Variants in NTN1 observed in about 807,000 individuals in gnomAD.
NTN1 encodes netrin 1, also known as netrin-1.
A neutral mutation model predicts 54.2 loss-of-function variants in NTN1; 11 were observed. The ratio of observed to expected loss-of-function variants is 0.20; its 90% confidence interval spans 0.13 to 0.34. The LOEUF is 0.34. Ranked by LOEUF, NTN1 falls within the 10% of genes least tolerant of loss-of-function variation. NTN1 has a pLI of 1.00. For missense variants in NTN1, 740 were observed against 893.1 expected (o/e 0.83, Z 2.18); for synonymous variants, 371 against 382.0 (o/e 0.97, Z 0.33).
intron 2 of NTN1, among the ~76,000 whole-genome samples, chr17:9,046,811 G>GA (rs1051373186): frequency 6.6e-5 from 10 of 152,072 alleles, no homozygotes; most frequent in East Asian, 3.9e-4. Context: ...ATAAAAAAGA[G>GA]AAAAAACAAA....
chr17:9,202,832 T>C (rs1904839514), intron 5 of NTN1, among the ~76,000 whole-genome samples: 1 of 152,264 alleles, frequency 6.6e-6, no homozygotes, highest in African/African-American at 2.4e-5. Context: ...CTTATTCAAC[T>C]GTTGGGACTG....
intron 2 of NTN1, among the ~76,000 whole-genome samples, chr17:9,132,276 C>T (rs2092268147): frequency 6.6e-6 from 1 of 152,158 alleles, no homozygotes; most frequent in Admixed American, 6.5e-5. Context: ...CTTTCATGAA[C>T]ATTACACGTT....
At chr17:9,184,605 G>A (rs1230194465) in intron 5 of NTN1, among the ~76,000 whole-genome samples, 1 of 152,212 alleles carries the variant, frequency 6.6e-6, no homozygotes, top group African/African-American at 2.4e-5. Context: ...CAGGGGCTGT[G>A]TGACAGCTCA....
intron 2 of NTN1, among the ~76,000 whole-genome samples, chr17:9,045,230 T>C (rs1597468102): frequency 6.6e-6 from 1 of 152,228 alleles, no homozygotes; most frequent in Admixed American, 6.5e-5. Flanking sequence ...CTCCCGTCTG[T>C]ACATGAGCAT....
intron 6 of NTN1, among the ~76,000 whole-genome samples, chr17:9,229,079 ACTGTGTGTGTGACTGAGACTGTGACTGT>A (rs1905711494): frequency 1.2e-3 from 8 of 6,738 alleles, no homozygotes. Context: ...TGTGTTTGTG[ACTGTGTGTGTGACTGAGACTGTGACTGT>A]GAGTGTGTGA....
At chr17:9,108,658 C>T (rs2092177821) in intron 2 of NTN1, among the ~76,000 whole-genome samples, 1 of 152,142 alleles carries the variant, frequency 6.6e-6, no homozygotes. Context: ...TAGAAGGCAT[C>T]CTCAGGTCCA....
intron 2 of NTN1, among the ~76,000 whole-genome samples, chr17:9,066,713 G>C (rs772792816): frequency 6.6e-6 from 1 of 151,712 alleles, no homozygotes; most frequent in Non-Finnish European, 1.5e-5. Flanking sequence ...CAAATGGCAC[G>C]TTGTGGCCAG....
chr17:9,017,671 G>C (rs575478516), upstream of NTN1, among the ~76,000 whole-genome samples: 38 of 152,298 alleles, frequency 2.5e-4, no homozygotes, highest in African/African-American at 7.9e-4. Flanking sequence ...CTGGTGATTT[G>C]CTTTCTCACC....
chr17:9,106,480 CCTTCCTTCCTTCCTT>C (rs2092166942), intron 2 of NTN1, among the ~76,000 whole-genome samples: 3 of 26,606 alleles, frequency 1.1e-4, no homozygotes, highest in South Asian at 5.5e-3. Context: ...TTCCTTCCTT[CCTTCCTTCCTTCCTT>C]CCTTCCTTCC....
chr17:9,079,402 G>A (rs1257690640), intron 2 of NTN1, among the ~76,000 whole-genome samples: 2 of 152,198 alleles, frequency 1.3e-5, no homozygotes, highest in African/African-American at 4.8e-5. Flanking sequence ...AATGGGATAG[G>A]CTGGGGAGCT....
intron 2 of NTN1, among the ~76,000 whole-genome samples, chr17:9,157,223 G>T (rs1376310117): frequency 6.6e-6 from 1 of 152,256 alleles, no homozygotes; most frequent in African/African-American, 2.4e-5. Context: ...CTTGATCAGA[G>T]AATTTTCTGA....
intron 6 of NTN1, among the ~76,000 whole-genome samples, chr17:9,225,514 A>G (rs1905504595): frequency 6.6e-6 from 1 of 152,168 alleles, no homozygotes; most frequent in South Asian, 2.1e-4. Flanking sequence ...AGGCTGAGGC[A>G]AGGCCTCCAG....
intron 2 of NTN1, among the ~76,000 whole-genome samples, chr17:9,146,294 G>C (rs541998973): frequency 4.1e-4 from 62 of 152,326 alleles, no homozygotes; most frequent in African/African-American, 1.5e-3. Flanking sequence ...ATGTGTCACT[G>C]TTACGGTGGC....
intron 5 of NTN1, among the ~76,000 whole-genome samples, chr17:9,199,733 G>A (rs73973303): frequency 0.019 from 2,867 of 152,360 alleles, 89 homozygotes; most frequent in African/African-American, 0.065. Context: ...GCTGGGTAAT[G>A]TAGTCTATCT....
chr17:9,227,016 C>G (rs1016139182), intron 6 of NTN1, among the ~76,000 whole-genome samples: 2 of 152,120 alleles, frequency 1.3e-5, no homozygotes, highest in African/African-American at 4.8e-5. Flanking sequence ...CCCTCTGCCT[C>G]CTCCTGTTCC....
chr17:9,051,484 C>T (rs1192540980), intron 2 of NTN1, among the ~76,000 whole-genome samples: 1 of 152,216 alleles, frequency 6.6e-6, no homozygotes, highest in East Asian at 1.9e-4. Context: ...AACCCCTCTC[C>T]ACTTTGCAGT....
intron 2 of NTN1, among the ~76,000 whole-genome samples, chr17:9,044,787 C>G (rs16957821): frequency 0.23 from 34,637 of 152,018 alleles, 4,990 homozygotes; most frequent in African/African-American, 0.4. Flanking sequence ...CTCGATCTTC[C>G]ACAGATTAAG....
At position 9,239,984 on chromosome 17, in the gene NTN1, CG is replaced by C; in HGVS notation, c.*19del. On this transcript the variant is annotated 3_prime_UTR_variant, in exon 7 of 7. Transcript: ENST00000173229. This position sits in a 1 kb window ranked among gnomAD's most constrained non-coding sequence, Gnocchi z 5.2. ...GAAGGCCTAGCGCCGAGGCAGCGGG[CG>C]GGCGGGCGGGCGGGCGCCAGGGCGG... The C allele has an allele frequency of 1.7e-4, 1 of 5,922 alleles. No homozygotes were observed. Among genetic ancestry groups the C allele is most frequent in the Non-Finnish European group, 3.2e-4 (1 of 3,090 alleles). 0.4% of individuals were successfully genotyped at this position (5,922 alleles called of 1,614,324 possible). A position where few individuals can be genotyped will look rare whatever the true frequency, so the allele number is the denominator to read the frequency against.
At chr17:9,124,880 C>T (rs2092241441) in intron 2 of NTN1, among the ~76,000 whole-genome samples, 1 of 152,174 alleles carries the variant, frequency 6.6e-6, no homozygotes, top group African/African-American at 2.4e-5. Context: ...GTTTCCTCAT[C>T]TGTAATATGA....
Sources: gnomAD v4.1 joint callset for allele counts (sites outside exome capture counted in the v4.1 genomes callset) on GRCh38, gnomAD v4.1.1 for gene constraint, Gnocchi (gnomAD v3.1) non-coding constraint, MANE v1.5 for transcripts, NCBI Gene and HGNC (gene_info 2026-07-23, HGNC 2026-07-21) for gene names.